ATP7B: variants seen among roughly 807,000 people sequenced by gnomAD.
ATP7B encodes the protein ATPase copper transporting beta.
In ATP7B, 113 loss-of-function variants were observed where a neutral mutation model predicts 118.9. The observed-to-expected ratio is 0.95, with a 90% CI of 0.82 to 1.11. The LOEUF is 1.11. ATP7B is among the 50% of genes most tolerant of loss of function. The pLI is 0.00. For synonymous variants in ATP7B, 777 were observed against 727.4 expected (o/e 1.07, Z -1.10); for missense variants, 1,867 against 1,871.4 (o/e 1.00, Z 0.04).
At chr13:51,969,938 A>G (rs894227277) in intron 3 of ATP7B, among the ~76,000 whole-genome samples, 17 of 152,350 alleles carry the variant, frequency 1.1e-4, no homozygotes, top group Admixed American at 6.5e-4. Flanking sequence ...GGCAAGGTAG[A>G]GTCATGGTTA....
rs532177115 is a variant in ATP7B, at chr13:51,939,079, C to T, written c.3671G>A (p.Arg1224Gln). The T allele has an allele frequency of 1.5e-5, 24 of 1,614,108 alleles. No individual in the cohort carries two copies. The highest frequency in any genetic ancestry group is 3.3e-4 in the Middle Eastern group (2 of 6,084). Residue 1224 changes from arginine to glutamine, a missense_variant, in exon 17 of 21, where the codon CGG (arginine) becomes CAG (glutamine). Transcript: ENST00000242839. ...VDVVLITGDN[R>Q]KTARAIATQV... ...GGTGGCAATAGCTCTGGCTGTCTTC[C>T]GGTTGTCCCCCGTGATCAGAACCAC...
chr13:52,012,087 G>A, upstream of ATP7B: 2 of 506,768 alleles, frequency 3.9e-6, no homozygotes, highest in Non-Finnish European at 7.2e-6. Context: ...GCTTTGGGCC[G>A]GGAACGGGGG....
intron 1 of ATP7B, among the ~76,000 whole-genome samples, chr13:51,990,390 A>C (rs1364888676): frequency 6.6e-6 from 1 of 152,186 alleles, no homozygotes; most frequent in Admixed American, 6.5e-5. Context: ...GTCTACATAA[A>C]ATATAGTCCA....
intron 1 of ATP7B, among the ~76,000 whole-genome samples, chr13:52,004,123 A>G (rs1006930914): frequency 2.0e-5 from 3 of 152,116 alleles, no homozygotes; most frequent in African/African-American, 7.2e-5. Flanking sequence ...TTAGCCGGGC[A>G]TGGTGGCACA....
At chr13:52,003,051 A>G (rs999905901) in intron 1 of ATP7B, among the ~76,000 whole-genome samples, 2 of 152,206 alleles carry the variant, frequency 1.3e-5, no homozygotes, top group Admixed American at 6.5e-5. Context: ...AACTTTCTCC[A>G]TATCAGCAGT....
At chr13:51,971,607 TC>T in intron 2 of ATP7B, among the ~76,000 whole-genome samples, 1 of 152,378 alleles carries the variant, frequency 6.6e-6, no homozygotes, top group South Asian at 2.1e-4. Flanking sequence ...ATACTATATT[TC>T]TTACCTATTG....
At chr13:51,993,004 A>T (rs1425799433) in intron 1 of ATP7B, among the ~76,000 whole-genome samples, 1 of 148,558 alleles carries the variant, frequency 6.7e-6, no homozygotes, top group Non-Finnish European at 1.5e-5. Flanking sequence ...AAAAAAAAAG[A>T]TAATACAGAT....
chr13:51,994,383 C>A (rs1315357626), intron 1 of ATP7B, among the ~76,000 whole-genome samples: 1 of 152,170 alleles, frequency 6.6e-6, no homozygotes, highest in African/African-American at 2.4e-5. Flanking sequence ...AAACGGGCAG[C>A]CACTGAATAA....
At chr13:51,966,836 T>G in intron 4 of ATP7B, 1 of 1,613,356 alleles carries the variant, frequency 6.2e-7, no homozygotes, top group Non-Finnish European at 8.5e-7. Context: ...GGAATAGCTT[T>G]GCAAAAAATG....
At chr13:52,002,933 C>G (rs1038019086) in intron 1 of ATP7B, among the ~76,000 whole-genome samples, 4 of 152,212 alleles carry the variant, frequency 2.6e-5, no homozygotes, top group Admixed American at 6.5e-5. Context: ...AAGTCATGGT[C>G]TTTCTGCTAG....
chr13:51,939,108 C>G lies in ATP7B; in HGVS notation c.3642G>C (p.Val1214=). 1.2e-6 allele frequency: 2 copies of G among 1,614,234 alleles called. No homozygotes were observed. Among genetic ancestry groups the G allele is most frequent in the Non-Finnish European group, 1.7e-6 (2 of 1,180,042 alleles). The change falls in exon 17 of 21, where the codon GTG becomes GTC. Residue 1214 remains valine (V), a synonymous_variant. Transcript: ENST00000242839. Reference sequence around the variant, plus strand: ...TGTCCCCCGTGATCAGAACCACGTCCACACCCATGCTCTGCAGCGTGTGCA... The same window carrying G: ...TGTCCCCCGTGATCAGAACCACGTCGACACCCATGCTCTGCAGCGTGTGCA... ...LAVHTLQSMG[V]DVVLITGDNR... is the part of the protein sequence containing the mutation.
intron 5 of ATP7B, among the ~76,000 whole-genome samples, chr13:51,963,751 A>C (rs1425437546): frequency 1.4e-5 from 2 of 148,138 alleles, no homozygotes; most frequent in East Asian, 2.0e-4. Flanking sequence ...AAAAAAAAAA[A>C]AAAAAAAACT....
chr13:51,956,336 G>C lies in ATP7B; in HGVS notation c.2447+1180C>G, dbSNP rs146505067. On this transcript the variant is annotated intron_variant, in intron 9 of 20. Coordinates refer to ENST00000242839, the MANE Select transcript of ATP7B (RefSeq NM_000053.4). ...GGTCTGTCTCAGCCTTCACGCCCAGGCCTCCAGGACACAGCTAGGGCAGGC... is the reference window on the plus strand; with the variant it reads ...GGTCTGTCTCAGCCTTCACGCCCAGCCCTCCAGGACACAGCTAGGGCAGGC... 1.1e-3 allele frequency among the ~76,000 whole-genome samples: 171 copies of C among 152,324 alleles called. 3 individuals are homozygous for C. In the East Asian group the frequency reaches 0.029, roughly 26 times the overall value.
intron 4 of ATP7B, among the ~76,000 whole-genome samples, chr13:51,965,412 C>T (rs968313003): frequency 2.6e-5 from 4 of 152,204 alleles, no homozygotes; most frequent in African/African-American, 9.7e-5. Context: ...GTGAAACTCG[C>T]TGCACTCCTG....
chr13:51,947,353 AT>A (rs2139094821), intron 12 of ATP7B, among the ~76,000 whole-genome samples: 1 of 152,268 alleles, frequency 6.6e-6, no homozygotes, highest in South Asian at 2.1e-4. Flanking sequence ...ATTTTTCACT[AT>A]TTTTTCTTTG....
intron 9 of ATP7B, among the ~76,000 whole-genome samples, chr13:51,956,053 G>A (rs1958327529): frequency 6.6e-6 from 1 of 152,216 alleles, no homozygotes; most frequent in Non-Finnish European, 1.5e-5. Flanking sequence ...GCTACAGAGT[G>A]GAACTAGACG....
At position 51,970,674 on chromosome 13, in the gene ATP7B, G is replaced by A; in HGVS notation, c.1361C>T (p.Thr454Ile). 5 of 1,614,180 alleles carry A rather than the reference G, an allele frequency of 3.1e-6. No individual in the cohort carries two copies. The highest frequency in any genetic ancestry group is 4.5e-5 in the East Asian group (2 of 44,886). ...SMVQTTDGTP[T>I]SVQEVAPHTG... ...GTGGGGAGCCACTTCCTGCACAGATGTAGGTGTACCATCTGTAGTTTGCAC... is the reference window on the plus strand; with the variant it reads ...GTGGGGAGCCACTTCCTGCACAGATATAGGTGTACCATCTGTAGTTTGCAC... The change falls in exon 3 of 21, where the codon ACA becomes ATA. Residue 454 changes from threonine to isoleucine, a missense_variant. Transcript: ENST00000242839.
Position 51,933,010 on chromosome 13 carries a change from G to A in ATP7B, c.*1746C>T, listed in dbSNP as rs746211484. 36 of 152,204 alleles carry A rather than the reference G, an allele frequency of 2.4e-4. No individual in the cohort carries two copies. The highest frequency in any genetic ancestry group is 7.0e-4 in the African/African-American group (29 of 41,508). 9.4% of individuals were successfully genotyped at this position (152,204 alleles called of 1,614,324 possible). A position where few individuals can be genotyped will look rare whatever the true frequency, so the allele number is the denominator to read the frequency against. On this transcript the variant is annotated 3_prime_UTR_variant, in exon 21 of 21. Coordinates refer to ENST00000242839, the MANE Select transcript of ATP7B (RefSeq NM_000053.4). ...AAACAAGGAAAACACAATCAACAGC[G>A]CGCTTGGATTTTATAAAATAAAACC...
intron 7 of ATP7B, chr13:51,959,918 T>C (rs768252798): frequency 6.0e-5 from 34 of 570,858 alleles, no homozygotes; most frequent in Non-Finnish European, 1.0e-4. Context: ...CAACTGAAAC[T>C]GACAGTGAAA....
Sources: allele counts gnomAD v4.1 joint callset (sites outside exome capture counted in the v4.1 genomes callset), GRCh38; gene constraint gnomAD v4.1.1; transcripts MANE v1.5; gene names NCBI Gene and HGNC (gene_info 2026-07-23, HGNC 2026-07-21).